Variants in ARHGAP21 observed in about 807,000 individuals in gnomAD.
ARHGAP21 encodes the protein rho GTPase-activating protein 21.
Under a neutral mutation model 164.6 loss-of-function variants are expected in ARHGAP21, and 38 were observed. The observed-to-expected ratio is 0.23, with a 90% CI of 0.18 to 0.30. ARHGAP21 has a LOEUF of 0.30. Among genes scored for constraint, ARHGAP21 ranks in the 10% least tolerant of loss-of-function variants. The pLI, the probability that ARHGAP21 is intolerant of heterozygous loss-of-function variation, is 1.00. For missense variants in ARHGAP21, 1,822 were observed against 2,370.7 expected (o/e 0.77, Z 4.81); for synonymous variants, 766 against 857.9 (o/e 0.89, Z 1.87).
intron 4 of ARHGAP21, among the ~76,000 whole-genome samples, chr10:24,636,040 A>G (rs893392194): frequency 6.6e-6 from 1 of 152,258 alleles, no homozygotes; most frequent in Admixed American, 6.5e-5. Context: ...CCCGTAAGTC[A>G]GAATTTCACA....
chr10:24,643,138 G>A (rs1275864243), intron 4 of ARHGAP21, among the ~76,000 whole-genome samples: 1 of 152,158 alleles, frequency 6.6e-6, no homozygotes, highest in Non-Finnish European at 1.5e-5. Context: ...AAAGACTGTG[G>A]ATGGGTGTTA....
intron 1 of ARHGAP21, 138 bp from the exon 2 acceptor site, chr10:24,722,417 C>G (rs898151083): frequency 6.5e-6 from 1 of 154,670 alleles, no homozygotes; most frequent in African/African-American, 2.4e-5. Context: ...AAACAAAAAG[C>G]CTATAAATTC....
Position 24,619,723 on chromosome 10 carries a change from C to G in ARHGAP21, c.2172G>C (p.Glu724Asp), listed in dbSNP as rs776549841. 1.2e-6 allele frequency: 2 copies of G among 1,614,162 alleles called. No individual in the cohort carries two copies. Among genetic ancestry groups the G allele is most frequent in the South Asian group, 2.2e-5 (2 of 91,082 alleles). Residue 724 changes from glutamate (E) to aspartate (D), a missense_variant, in exon 9 of 26, where the codon GAG (glutamate) becomes GAC (aspartate). Physicochemically the swap from Glu to Asp is conservative, Grantham distance 45 (BLOSUM62 2). Coordinates refer to ENST00000396432, the MANE Select transcript of ARHGAP21 (RefSeq NM_020824.4). ...QDLSLQEAET[E>D]QSDTLDNKEA... ...CTTTATTATCTAAAGTATCTGATTG[C>G]TCAGTTTCAGCCTCTTGTAAACTTA...
At chr10:24,687,146 G>C (rs998352027) in intron 2 of ARHGAP21, among the ~76,000 whole-genome samples, 2 of 152,124 alleles carry the variant, frequency 1.3e-5, no homozygotes, top group African/African-American at 2.4e-5. Context: ...ATGAGGTCTG[G>C]GTGATGGAGA....
At chr10:24,616,039 A>G (rs1241938960) in intron 9 of ARHGAP21, among the ~76,000 whole-genome samples, 1 of 152,120 alleles carries the variant, frequency 6.6e-6, no homozygotes, top group Non-Finnish European at 1.5e-5. Flanking sequence ...CAGCCTCCCA[A>G]AGTGCTGGGA....
chr10:24,628,828 T>C (rs1016596546), intron 7 of ARHGAP21, among the ~76,000 whole-genome samples: 17 of 135,878 alleles, frequency 1.3e-4, no homozygotes, highest in Admixed American at 4.5e-4. Flanking sequence ...TATACACACA[T>C]ATATGTACAT....
intron 3 of ARHGAP21, among the ~76,000 whole-genome samples, chr10:24,668,632 A>C (rs1044608468): frequency 6.6e-6 from 1 of 151,806 alleles, no homozygotes; most frequent in Non-Finnish European, 1.5e-5. Context: ...TTTGGTCTTT[A>C]TTTACAAGTT....
rs144055293 is a variant in ARHGAP21 at position 24,619,520 on chromosome 10, G to A, written c.2375C>T (p.Ser792Leu). 118 of 1,614,088 alleles carry A rather than the reference G, an allele frequency of 7.3e-5. 1 individual carries two copies. The African/African-American group carries it at 8.8e-4, about 12-fold the overall frequency. ...AGAATCGCCAGGCGGACTGGTACTC[G>A]AGGCTTTTCTTTCCTCCATTCTTTT... ...HIKRMEERKASSTSPPGDSLA... is the reference protein window; with the variant it reads ...HIKRMEERKALSTSPPGDSLA... Residue 792 changes from serine (S) to leucine (L), a missense_variant, in exon 9 of 26, where the codon TCG (serine) becomes TTG (leucine). Physicochemically the swap from Ser to Leu is moderately radical, Grantham distance 145. Coordinates refer to ENST00000396432, the MANE Select transcript of ARHGAP21 (RefSeq NM_020824.4).
At chr10:24,603,744 T>C (rs1009792683) in intron 12 of ARHGAP21, among the ~76,000 whole-genome samples, 1 of 152,072 alleles carries the variant, frequency 6.6e-6, no homozygotes, top group Admixed American at 6.6e-5. Flanking sequence ...ACACCTGTAA[T>C]CCCAGCACTT....
intron 2 of ARHGAP21, among the ~76,000 whole-genome samples, chr10:24,688,994 G>A (rs1386352810): frequency 6.6e-6 from 1 of 152,120 alleles, no homozygotes; most frequent in Non-Finnish European, 1.5e-5. Context: ...CTGCTTGGGA[G>A]AGAGGCAAGG....
At position 24,584,401 on chromosome 10, in the gene ARHGAP21, A is replaced by G. The variant is rs2076010889; in HGVS notation, c.*11T>C. ...AGTTTTTTTACTTGCTAGAGTGGAC[A>G]TACCCCCAGTTTAAAGACAGGGATG... On this transcript the variant is annotated 3_prime_UTR_variant, in exon 26 of 26. Transcript: ENST00000396432. 1.3e-6 allele frequency: 2 copies of G among 1,581,678 alleles called. No individual in the cohort carries two copies. The highest frequency in any genetic ancestry group is 1.8e-5 in the Admixed American group (1 of 55,266).
chr10:24,688,188 C>T (rs996713637), intron 2 of ARHGAP21, among the ~76,000 whole-genome samples: 5 of 152,128 alleles, frequency 3.3e-5, no homozygotes, highest in African/African-American at 1.2e-4. Context: ...GTCAGAAGTT[C>T]GAGGCCAGCC....
chr10:24,705,873 A>C (rs1437732296), intron 2 of ARHGAP21, among the ~76,000 whole-genome samples: 1 of 152,204 alleles, frequency 6.6e-6, no homozygotes, highest in East Asian at 1.9e-4. Flanking sequence ...AATATTATCT[A>C]CGATTAACAA....
Position 24,671,884 on chromosome 10 carries a change from ATTTTTTT to A in ARHGAP21, c.64-1494_64-1488del, listed in dbSNP as rs35692163. 8.6e-3 allele frequency among the ~76,000 whole-genome samples: 712 copies of A among 82,560 alleles called. 2 individuals carry two copies. Among genetic ancestry groups the A allele is most frequent in the Admixed American group, 0.017 (112 of 6,734 alleles). The allele number at this position is 82,560 out of a possible 152,430, so 54.2% of individuals were successfully genotyped here. On this transcript the variant is annotated intron_variant, in intron 2 of 25. Coordinates refer to ENST00000396432, the MANE Select transcript of ARHGAP21 (RefSeq NM_020824.4). ...ACTACAGGTGAATGTCATCAAGCTA[ATTTTTTT>A]TTTTTTTTTTTTTTTTTTTGTAGAG...
chr10:24,692,764 G>A (rs1842853085), intron 2 of ARHGAP21, among the ~76,000 whole-genome samples: 1 of 151,928 alleles, frequency 6.6e-6, no homozygotes, highest in African/African-American at 2.4e-5. Flanking sequence ...TCTGAAAGGT[G>A]CAGGTTGCAG....
intron 7 of ARHGAP21, among the ~76,000 whole-genome samples, chr10:24,624,756 C>T (rs2367069): frequency 0.5 from 76,030 of 151,768 alleles, 19,217 homozygotes; most frequent in Middle Eastern, 0.57. Context: ...TTTAGTTAGG[C>T]TTTAAGCCCA....
intron 25 of ARHGAP21, among the ~76,000 whole-genome samples, chr10:24,588,032 A>G (rs901262366): frequency 3.9e-5 from 6 of 152,222 alleles, no homozygotes; most frequent in African/African-American, 1.4e-4. Flanking sequence ...TCTGCTGGCA[A>G]CAGAGTTAAG....
chr10:24,607,717 G>A (rs377442831), intron 10 of ARHGAP21, 28 bp downstream of exon 10: 82 of 1,611,726 alleles, frequency 5.1e-5, no homozygotes, highest in South Asian at 9.9e-5. Flanking sequence ...CATGAGATAC[G>A]GTTTACAAAA....
chr10:24,653,198 A>C (rs1409357688), intron 4 of ARHGAP21, among the ~76,000 whole-genome samples: 1 of 152,218 alleles, frequency 6.6e-6, no homozygotes, highest in South Asian at 2.1e-4. Flanking sequence ...TATTATGCTA[A>C]CAAGTTCCCT....
Sources: gnomAD v4.1 joint callset for allele counts (sites outside exome capture counted in the v4.1 genomes callset) on GRCh38, gnomAD v4.1.1 for gene constraint, MANE v1.5 for transcripts, NCBI Gene and HGNC (gene_info 2026-07-23, HGNC 2026-07-21) for gene names.